HADH: variants seen among roughly 807,000 people sequenced by gnomAD.
HADH encodes hydroxyacyl-coenzyme A dehydrogenase, mitochondrial.
A neutral mutation model predicts 32.2 loss-of-function variants in HADH; 24 were observed. That is an observed-to-expected ratio of 0.75 (90% CI 0.54 to 1.05). The LOEUF (loss-of-function observed/expected upper bound fraction) is 1.05, where lower values mean the gene tolerates loss of function less well. Among genes scored for constraint, HADH ranks in the 50% least tolerant of loss-of-function variants. The pLI, the probability that HADH is intolerant of heterozygous loss-of-function variation, is 0.00. For synonymous variants in HADH, 139 were observed against 152.5 expected (o/e 0.91, Z 0.65); for missense variants, 350 against 397.1 (o/e 0.88, Z 1.01).
chr4:108,008,036 G>A (rs568339900), intron 1 of HADH, among the ~76,000 whole-genome samples: 123 of 152,326 alleles, frequency 8.1e-4, no homozygotes, highest in African/African-American at 2.7e-3. Flanking sequence ...TGCTATAGTG[G>A]TAGTTTATTG....
intron 4 of HADH, 148 bp from the exon 5 acceptor site, chr4:108,023,326 G>T (rs1055702972): frequency 1.1e-4 from 73 of 641,226 alleles, no homozygotes; most frequent in Non-Finnish European, 2.0e-4. Flanking sequence ...GAAATACATT[G>T]TTTCTGGCTT....
At chr4:108,027,810 A>G (rs1323692865) in intron 6 of HADH, 50 bp downstream of exon 6, 5 of 1,061,810 alleles carry the variant, frequency 4.7e-6, no homozygotes, top group East Asian at 2.4e-5. Context: ...TCCTGGCGCC[A>G]CTGTCTGGAA....
intron 5 of HADH, chr4:108,027,128 C>T (rs75954618): frequency 0.023 from 4,154 of 177,824 alleles, 64 homozygotes; most frequent in South Asian, 0.039. Flanking sequence ...GCTGAGTAGC[C>T]GAGGAGTGGC....
chr4:108,007,350 G>A (rs1014629652), intron 1 of HADH, among the ~76,000 whole-genome samples: 19 of 152,094 alleles, frequency 1.2e-4, no homozygotes, highest in Admixed American at 3.3e-4. Flanking sequence ...CTTGTGATCC[G>A]CCTGCCTCGG....
chr4:107,989,907 C>T lies in HADH; in HGVS notation c.-26C>T. 6.2e-7 allele frequency: 1 copy of T among 1,608,486 alleles called. No individual in the cohort carries two copies. Among genetic ancestry groups the T allele is most frequent in the Non-Finnish European group, 8.5e-7 (1 of 1,178,404 alleles). Reference sequence around the variant, plus strand: ...CGCGCGTCTTCCCTGCCCGGGTCTCCTCGCTGTCGCCGCCGCTGCCACACC... The same window carrying T: ...CGCGCGTCTTCCCTGCCCGGGTCTCTTCGCTGTCGCCGCCGCTGCCACACC... On this transcript the variant is annotated 5_prime_UTR_variant, in exon 1 of 8. Coordinates refer to ENST00000309522, the MANE Select transcript of HADH (RefSeq NM_005327.7).
chr4:108,020,020 C>G (rs1008150346), intron 4 of HADH, among the ~76,000 whole-genome samples: 2 of 152,154 alleles, frequency 1.3e-5, no homozygotes, highest in Non-Finnish European at 2.9e-5. Flanking sequence ...ATTATCTCGT[C>G]GAGGTCAGCT....
At chr4:108,016,454 G>T (rs534184019) in intron 3 of HADH, among the ~76,000 whole-genome samples, 1 of 152,270 alleles carries the variant, frequency 6.6e-6, no homozygotes, top group South Asian at 2.1e-4. Context: ...TTTCACACTG[G>T]CATCTAGAGG....
intron 1 of HADH, among the ~76,000 whole-genome samples, chr4:107,991,353 G>A (rs1331115632): frequency 2.6e-5 from 4 of 152,088 alleles, no homozygotes; most frequent in African/African-American, 9.6e-5. Context: ...TCAATGTCTT[G>A]TTTCCAACCA....
At chr4:108,030,952 CAT>C (rs1160064158) in intron 6 of HADH, 3 of 152,186 alleles carry the variant, frequency 2.0e-5, no homozygotes, top group African/African-American at 7.2e-5. Flanking sequence ...ATTTTTCTAT[CAT>C]GTGCTGTATC....
At chr4:108,020,808 C>T (rs926869445) in intron 4 of HADH, among the ~76,000 whole-genome samples, 2 of 152,214 alleles carry the variant, frequency 1.3e-5, no homozygotes, top group Admixed American at 1.3e-4. Flanking sequence ...CAAACCTACA[C>T]ACACTGGCTG....
At chr4:108,007,192 C>T (rs973122728) in intron 1 of HADH, among the ~76,000 whole-genome samples, 6 of 152,182 alleles carry the variant, frequency 3.9e-5, no homozygotes, top group South Asian at 2.1e-4. Context: ...CTGCAAGCTC[C>T]GCCTCCCACA....
intron 3 of HADH, among the ~76,000 whole-genome samples, chr4:108,015,006 A>G (rs1405315289): frequency 6.6e-6 from 1 of 152,166 alleles, no homozygotes; most frequent in Non-Finnish European, 1.5e-5. Flanking sequence ...TGGTGTATAT[A>G]TGCCACATTT....
intron 3 of HADH, among the ~76,000 whole-genome samples, chr4:108,014,970 CTT>C (rs959705895): frequency 2.0e-5 from 3 of 152,220 alleles, no homozygotes; most frequent in South Asian, 4.1e-4. Flanking sequence ...TGATTTTATT[CTT>C]TTTTATAGCT....
intron 2 of HADH, among the ~76,000 whole-genome samples, chr4:108,010,359 G>C (rs114441634): frequency 6.6e-6 from 1 of 152,200 alleles, no homozygotes; most frequent in African/African-American, 2.4e-5. Context: ...GAGGAACTCT[G>C]TGGAGGCTGG....
chr4:108,011,068 C>A (rs1371936031), intron 2 of HADH, among the ~76,000 whole-genome samples: 2 of 152,046 alleles, frequency 1.3e-5, no homozygotes, highest in Non-Finnish European at 2.9e-5. Flanking sequence ...AGGATGGTTT[C>A]AATCTCTTGA....
Position 108,006,977 on chromosome 4 carries a change from A to G in HADH, c.133-2782A>G, listed in dbSNP as rs1049968660. ...CTATAAAATGGATTAGGGTTGTTGG[A>G]TTAATCAGAAATAGTCTTGGAAAAC... On this transcript the variant is annotated intron_variant, in intron 1 of 7. Transcript: ENST00000309522. Among the ~76,000 whole-genome samples, 17 of 152,214 alleles carry G rather than the reference A, an allele frequency of 1.1e-4. 1 individual carries two copies.
intron 6 of HADH, chr4:108,028,960 A>C (rs968146760): frequency 1.3e-5 from 5 of 398,522 alleles, no homozygotes; most frequent in African/African-American, 2.1e-5. Context: ...CTGTGGGCTG[A>C]AGCTGGAAGA....
At chr4:108,032,842 T>C (rs1736321592) in intron 6 of HADH, 2 of 368,918 alleles carry the variant, frequency 5.4e-6, no homozygotes, top group Admixed American at 7.8e-5. Flanking sequence ...ATTAGCCTTG[T>C]GTGGGGGCGC....
chr4:108,011,889 GTTTTTTGT>G (rs1056674385), intron 2 of HADH, among the ~76,000 whole-genome samples: 72 of 151,780 alleles, frequency 4.7e-4, no homozygotes, highest in African/African-American at 1.7e-3. Flanking sequence ...TGGTGTTTTT[GTTTTTTGT>G]TTTTTTGTTT....
Sources: gnomAD v4.1 joint callset for allele counts (sites outside exome capture counted in the v4.1 genomes callset) on GRCh38, gnomAD v4.1.1 for gene constraint, MANE v1.5 for transcripts, NCBI Gene and HGNC (gene_info 2026-07-23, HGNC 2026-07-21) for gene names.